Variants in GET4 observed in about 807,000 individuals in gnomAD.
The protein encoded by GET4 is Golgi to ER traffic protein 4 homolog.
Under a neutral mutation model 40.0 loss-of-function variants are expected in GET4, and 20 were observed. That is an observed-to-expected ratio of 0.50 (90% CI 0.35 to 0.73). GET4 has a LOEUF of 0.73. Ranked by LOEUF, GET4 falls within the 30% of genes least tolerant of loss-of-function variation. GET4 has a pLI of 0.01. For missense variants in GET4, 557 were observed against 454.0 expected (o/e 1.23, Z -2.06); for synonymous variants, 280 against 194.6 (o/e 1.44, Z -3.65).
intron 1 of GET4, among the ~76,000 whole-genome samples, chr7:877,697 C>G (rs542670871): frequency 1.6e-5 from 2 of 123,048 alleles, no homozygotes; most frequent in East Asian, 4.7e-4. Flanking sequence ...TGTCCCAGAT[C>G]TCCCTGCCCG....
intron 1 of GET4, 187 bp from the exon 2 acceptor site, chr7:885,869 G>T: frequency 1.7e-6 from 1 of 598,116 alleles, no homozygotes; most frequent in Non-Finnish European, 3.0e-6. Flanking sequence ...GCCCCATGCA[G>T]CCCTCATGGT....
chr7:877,306 C>T (rs1176750706), intron 1 of GET4, among the ~76,000 whole-genome samples: 10 of 145,034 alleles, frequency 6.9e-5, no homozygotes, highest in Non-Finnish European at 1.2e-4. Context: ...CCTTGCCCCC[C>T]GCCTCGCTCT....
intron 1 of GET4, 78 bp downstream of exon 1, chr7:876,878 C>A: frequency 1.2e-6 from 1 of 808,872 alleles, no homozygotes; most frequent in Non-Finnish European, 1.6e-6. Context: ...TCGCCCCGCG[C>A]CCCCATTGGG....
At chr7:888,029 G>A (rs1844229563) in intron 4 of GET4, among the ~76,000 whole-genome samples, 1 of 152,164 alleles carries the variant, frequency 6.6e-6, no homozygotes, top group African/African-American at 2.4e-5. Context: ...CTTGAACGAG[G>A]TGCTAATGGG....
At chr7:886,428 T>C (rs181802826) in intron 2 of GET4, 141 bp from the exon 3 acceptor site, 13 of 675,600 alleles carry the variant, frequency 1.9e-5, no homozygotes, top group African/African-American at 1.4e-4. Context: ...TTCGGCGGCA[T>C]TGCCAAGGGA....
In GET4 at chr7:893,896, C is replaced by A; in HGVS notation, c.823-3C>A. 1 of 1,612,184 alleles carries A rather than the reference C, an allele frequency of 6.2e-7. No individual in the cohort carries two copies. Among genetic ancestry groups the A allele is most frequent in the Non-Finnish European group, 8.5e-7 (1 of 1,178,960 alleles). Reference sequence around the variant, plus strand: ...CTCTGAGCCCGCTGCCTGTGCCTTGCAGTACCTCGACCGCATAGGACAGCT... The same window carrying A: ...CTCTGAGCCCGCTGCCTGTGCCTTGAAGTACCTCGACCGCATAGGACAGCT... On this transcript the variant is annotated splice_region_variant and splice_polypyrimidine_tract_variant and intron_variant, in intron 7 of 8. Coordinates refer to ENST00000265857, the MANE Select transcript of GET4 (RefSeq NM_015949.3).
At chr7:893,133 GTGT>G (rs1562898098) in intron 6 of GET4, among the ~76,000 whole-genome samples, 3 of 105,646 alleles carry the variant, frequency 2.8e-5, no homozygotes, top group African/African-American at 6.0e-5. Flanking sequence ...TGTAGGCGTG[GTGT>G]GTGCAGGTGA....
chr7:892,915 G>T (rs1208744145), intron 6 of GET4, among the ~76,000 whole-genome samples: 15 of 151,746 alleles, frequency 9.9e-5, no homozygotes, highest in Admixed American at 9.8e-4. Flanking sequence ...GGGGTGTGCA[G>T]GTGTGTGTAC....
chr7:876,685 C>T lies in GET4; in HGVS notation c.40C>T (p.Arg14Trp). Residue 14 changes from arginine to tryptophan, a missense_variant, in exon 1 of 9, where the codon CGG becomes TGG. Arg to Trp is a moderately radical substitution (Grantham distance 101). Transcript: ENST00000265857. Reference sequence around the variant, plus strand: ...GGCGATGGCCGAGCAGGAGAGCGCCCGGAACGGCGGCCGCAACCGCGGCGG... The same window carrying T: ...GGCGATGGCCGAGCAGGAGAGCGCCTGGAACGGCGGCCGCAACCGCGGCGG... ...AAAMAEQESA[R>W]NGGRNRGGVQ... The T allele has an allele frequency of 1.5e-6, 2 of 1,345,756 alleles. No individual in the cohort carries two copies. The highest frequency in any genetic ancestry group is 1.9e-6 in the Non-Finnish European group (2 of 1,035,652). The allele number at this position is 1,345,756 out of a possible 1,614,324, so 83.4% of individuals were successfully genotyped here.
chr7:878,221 C>T, intron 1 of GET4: 1 of 469,942 alleles, frequency 2.1e-6, no homozygotes. Context: ...GGACTGTGAC[C>T]GCTTGGAAGT....
intron 1 of GET4, among the ~76,000 whole-genome samples, chr7:878,574 CTT>C (rs1261640394): frequency 1.5e-4 from 19 of 130,394 alleles, no homozygotes; most frequent in Non-Finnish European, 1.8e-4. Flanking sequence ...TTTTAATAAA[CTT>C]TTTTTTTTTT....
At position 893,769 on chromosome 7, in the gene GET4, G is replaced by T; in HGVS notation, c.776G>T (p.Cys259Phe). The change falls in exon 7 of 9, where the codon TGT becomes TTT. Residue 259 changes from cysteine (C) to phenylalanine (F), a missense_variant. Cys to Phe is a radical substitution (Grantham distance 205, BLOSUM62 -2). Transcript: ENST00000265857. Reference sequence around the variant, plus strand: ...AAGCTGACGGTGTTCACTGTGCTGTGTGAGCAGTACCAGCCATCCCTCCGG... The same window carrying T: ...AAGCTGACGGTGTTCACTGTGCTGTTTGAGCAGTACCAGCCATCCCTCCGG... ...GGKLTVFTVL[C>F]EQYQPSLRRD... 1 of 1,610,952 alleles carries T rather than the reference G, an allele frequency of 6.2e-7. No homozygotes were observed. The highest frequency in any genetic ancestry group is 8.5e-7 in the Non-Finnish European group (1 of 1,178,076).
chr7:877,877 C>G (rs1376155442), intron 1 of GET4: 3 of 108,574 alleles, frequency 2.8e-5, no homozygotes, highest in Non-Finnish European at 3.9e-5. Context: ...CCTCCCCTTC[C>G]TCTGTCTCCA....
chr7:892,226 G>C (rs1051955591), intron 5 of GET4, 52 bp from the exon 6 acceptor site: 16 of 1,571,916 alleles, frequency 1.0e-5, no homozygotes, highest in Non-Finnish European at 1.1e-5. Context: ...GCCTGTGCGG[G>C]CAGAAGCTGT....
intron 1 of GET4, 181 bp from the exon 2 acceptor site, chr7:885,875 A>C (rs567667476): frequency 1.7e-6 from 1 of 601,346 alleles, no homozygotes; most frequent in South Asian, 1.9e-5. Context: ...TGCAGCCCTC[A>C]TGGTCAGCAG....
At chr7:894,066 G>T in intron 8 of GET4, 95 bp downstream of exon 8, 3 of 679,246 alleles carry the variant, frequency 4.4e-6, no homozygotes, top group Non-Finnish European at 7.3e-6. Flanking sequence ...TCCTTCACGT[G>T]GAAGTGGTTT....
chr7:877,077 C>G (rs750679307), intron 1 of GET4, among the ~76,000 whole-genome samples: 1 of 151,898 alleles, frequency 6.6e-6, no homozygotes, highest in South Asian at 2.1e-4. Context: ...TACTCCCAGC[C>G]TCCACCTGTT....
In GET4 at chr7:876,810, C is replaced by G. The variant is rs1843956467; in HGVS notation, c.155+10C>G. ...GGACCCTGTTCTTCAGGTACCCGCG[C>G]CCGGCCCTCGCCGCAGCCCAGCGCC... On this transcript the variant is annotated intron_variant, in intron 1 of 8. Coordinates refer to ENST00000265857, the MANE Select transcript of GET4 (RefSeq NM_015949.3). 8.4e-7 allele frequency: 1 copy of G among 1,184,928 alleles called. No homozygotes were observed. Among genetic ancestry groups the G allele is most frequent in the Admixed American group, 4.6e-5 (1 of 21,958 alleles). 73.4% of individuals were successfully genotyped at this position (1,184,928 alleles called of 1,614,324 possible).
rs975784946 is a variant in GET4 at position 895,731 on chromosome 7, G to C, written c.*309G>C. The C allele has an allele frequency of 4.9e-6, 1 of 206,048 alleles. No homozygotes were observed. Among genetic ancestry groups the C allele is most frequent in the African/African-American group, 2.3e-5 (1 of 43,220 alleles). 12.8% of individuals were successfully genotyped at this position (206,048 alleles called of 1,614,324 possible). A position where few individuals can be genotyped will look rare whatever the true frequency, so the allele number is the denominator to read the frequency against. ...TCCTTTGTTCTGGGTCCTTTCGGGA[G>C]GGCTGATGGGCAGCACAGGAGGCCC... is the stretch of plus-strand genomic sequence containing the variant. On this transcript the variant is annotated 3_prime_UTR_variant, in exon 9 of 9. Coordinates refer to ENST00000265857, the MANE Select transcript of GET4 (RefSeq NM_015949.3).
Sources: gnomAD v4.1 joint callset for allele counts (sites outside exome capture counted in the v4.1 genomes callset) on GRCh38, gnomAD v4.1.1 for gene constraint, MANE v1.5 for transcripts, NCBI Gene and HGNC (gene_info 2026-07-23, HGNC 2026-07-21) for gene names.